The following DMD variants were observed in gnomAD, a reference collection of about 807,000 sequenced individuals.
DMD encodes the protein mutant dystrophin.
In DMD, 63 loss-of-function variants were observed where a neutral mutation model predicts 330.1. The observed-to-expected ratio is 0.19, with a 90% confidence interval of 0.16 to 0.24. The LOEUF is 0.24. Ranked by LOEUF, DMD falls within the 10% of genes least tolerant of loss-of-function variation. The pLI, the probability that DMD is intolerant of heterozygous loss-of-function variation, is 1.00. For synonymous variants in DMD, 1,223 were observed against 959.8 expected (o/e 1.27, Z -5.07); for missense variants, 3,344 against 2,684.1 (o/e 1.25, Z -5.43).
At chrX:32,827,258 G>T (rs2078793478) in intron 4 of DMD, among the ~76,000 whole-genome samples, 1 of 110,962 alleles carries the variant, frequency 9.0e-6, no homozygotes, top group Non-Finnish European at 1.9e-5. Context: ...ATATATTCAT[G>T]TACTCAGTAT....
chrX:32,551,697 C>A (rs1470619698), intron 16 of DMD, among the ~76,000 whole-genome samples: 1 of 111,153 alleles, frequency 9.0e-6, no homozygotes, highest in Non-Finnish European at 1.9e-5. Flanking sequence ...TCAAATTATC[C>A]CTGTTTGCAG....
chrX:32,410,495 T>C (rs2098137232), intron 30 of DMD, among the ~76,000 whole-genome samples: 1 of 111,845 alleles, frequency 8.9e-6, no homozygotes, highest in Admixed American at 9.6e-5. Context: ...TTAACTGTAA[T>C]TGCATTGTAA....
intron 57 of DMD, among the ~76,000 whole-genome samples, chrX:31,479,497 G>C (rs1359462095): frequency 8.9e-6 from 1 of 112,119 alleles, no homozygotes; most frequent in Non-Finnish European, 1.9e-5. Context: ...GAACATAATG[G>C]GAAGCCTTAA....
rs755830533 is a variant in DMD, at chrX:32,361,275, A to G, written c.5325+1513T>C. ...AAAAACAATTGTCTTTGTAAGTAAC[A>G]ATACATTCTTTCAAAACTTTAATCA... On this transcript the variant is annotated intron_variant, in intron 37 of 78. Coordinates refer to ENST00000357033, the MANE Select transcript of DMD (RefSeq NM_004006.3). Among the ~76,000 whole-genome samples, 6 of 111,823 alleles carry G rather than the reference A, an allele frequency of 5.4e-5. No homozygotes were observed. The East Asian group carries it at 1.1e-3, about 21-fold the overall frequency.
intron 44 of DMD, among the ~76,000 whole-genome samples, chrX:32,160,048 T>C (rs2096843493): frequency 9.0e-6 from 1 of 111,464 alleles, no homozygotes; most frequent in Non-Finnish European, 1.9e-5. Flanking sequence ...TAATTGAATT[T>C]GCATTTTAGA....
At chrX:33,259,608 CCA>C (rs200038819) in intron 1 of DMD, among the ~76,000 whole-genome samples, 1,028 of 71,736 alleles carry the variant, frequency 0.014, 47 homozygotes, top group East Asian at 0.082. Flanking sequence ...CCCCCCCCCC[CCA>C]AAAAAAAAAA....
chrX:31,536,981 C>T (rs1184820480), intron 55 of DMD, among the ~76,000 whole-genome samples: 3 of 111,085 alleles, frequency 2.7e-5, no homozygotes, highest in South Asian at 3.8e-4. Flanking sequence ...CCATCGCAGC[C>T]AAAAGTCTTA....
chrX:31,608,950 A>C (rs945838190), intron 55 of DMD, among the ~76,000 whole-genome samples: 3 of 111,939 alleles, frequency 2.7e-5, no homozygotes, highest in African/African-American at 9.7e-5. Flanking sequence ...GCTACATAAC[A>C]GTTTCTTTAA....
chrX:31,348,824 G>T (rs1339886870), intron 60 of DMD, among the ~76,000 whole-genome samples, 190 bp from the exon 61 acceptor site: 10 of 111,405 alleles, frequency 9.0e-5, no homozygotes, highest in Non-Finnish European at 1.5e-4. Context: ...TCAATCCAAG[G>T]CCAAACACAA....
intron 7 of DMD, among the ~76,000 whole-genome samples, chrX:32,780,120 A>G (rs2074570206): frequency 1.8e-5 from 2 of 111,872 alleles, no homozygotes; most frequent in Non-Finnish European, 3.8e-5. Flanking sequence ...AGCATACTCA[A>G]TAAAATCCAT....
intron 2 of DMD, among the ~76,000 whole-genome samples, chrX:32,973,888 T>A (rs187686328): frequency 9.0e-6 from 1 of 111,522 alleles, no homozygotes; most frequent in East Asian, 2.8e-4. Context: ...TACAACTCAC[T>A]TTTTTATTTC....
At chrX:31,960,827 C>T (rs16989981) in intron 45 of DMD, among the ~76,000 whole-genome samples, 6,733 of 111,803 alleles carry the variant, frequency 0.06, 179 homozygotes, top group African/African-American at 0.091. Flanking sequence ...ATTATGAATG[C>T]CCTTGAAAGC....
chrX:32,735,769 C>G (rs1336051620), intron 7 of DMD, among the ~76,000 whole-genome samples: 6 of 111,775 alleles, frequency 5.4e-5, no homozygotes, highest in Non-Finnish European at 1.1e-4. Flanking sequence ...ATCAATTCAA[C>G]ATGGATTAAA....
At chrX:32,343,032 A>T (rs1277463544) in intron 40 of DMD, 102 bp downstream of exon 40, 2 of 848,986 alleles carry the variant, frequency 2.4e-6, no homozygotes, top group Non-Finnish European at 3.5e-6. Flanking sequence ...AATCAAAGAG[A>T]ACGTTAATAG....
intron 50 of DMD, among the ~76,000 whole-genome samples, chrX:31,814,831 T>A (rs1176425711): frequency 8.9e-6 from 1 of 112,091 alleles, no homozygotes; most frequent in African/African-American, 3.2e-5. Context: ...TGAAAGTCTC[T>A]AGAGGAACTT....
Position 32,441,307 on chromosome X carries a change from C to G in DMD, c.3794G>C (p.Trp1265Ser), listed in dbSNP as rs200213555. The change falls in exon 28 of 79, where the codon TGG (tryptophan) becomes TCG (serine). Residue 1265 changes from tryptophan to serine, a missense_variant. Coordinates refer to ENST00000357033, the MANE Select transcript of DMD (RefSeq NM_004006.3). ...TGACAATAACTCATGCCAACATGCC[C>G]AAACTTCCTAAGAAAGAAATATATA... ...NGKCKTLEEV[W>S]ACWHELLSYL... The G allele has an allele frequency of 4.3e-5, 52 of 1,203,847 alleles. No homozygotes were observed. The East Asian group carries it at 1.5e-3, about 35-fold the overall frequency.
chrX:31,679,297 C>A, intron 53 of DMD, 78 bp downstream of exon 53: 2 of 874,846 alleles, frequency 2.3e-6, no homozygotes, highest in Non-Finnish European at 1.6e-6. Context: ...CATTAAACAT[C>A]ATTAAATTAC....
chrX:33,303,462 C>T (rs1365119955), intron 1 of DMD, among the ~76,000 whole-genome samples: 1 of 110,468 alleles, frequency 9.1e-6, no homozygotes, highest in Non-Finnish European at 1.9e-5. Flanking sequence ...TACACAAATC[C>T]TGGGTAATAG....
intron 60 of DMD, among the ~76,000 whole-genome samples, chrX:31,363,882 G>C (rs932127178): frequency 2.7e-5 from 3 of 112,180 alleles, no homozygotes; most frequent in Admixed American, 9.4e-5. Flanking sequence ...ATGTCCCCTG[G>C]GGGACAGACT....
Sources: allele counts gnomAD v4.1 joint callset (sites outside exome capture counted in the v4.1 genomes callset), GRCh38; gene constraint gnomAD v4.1.1; transcripts MANE v1.5; gene names NCBI Gene and HGNC (gene_info 2026-07-23, HGNC 2026-07-21).